SHISA9: variants seen among roughly 807,000 people sequenced by gnomAD.
SHISA9 encodes protein shisa-9.
Under a neutral mutation model 38.0 loss-of-function variants are expected in SHISA9, and 13 were observed. The ratio of observed to expected loss-of-function variants is 0.34; its 90% CI spans 0.22 to 0.54. The LOEUF (loss-of-function observed/expected upper bound fraction) is 0.54, where lower values mean the gene tolerates loss of function less well. Ranked by LOEUF, SHISA9 falls within the 20% of genes least tolerant of loss-of-function variation. SHISA9 has a pLI of 0.91. For synonymous variants in SHISA9, 275 were observed against 242.0 expected, an observed-to-expected ratio of 1.14 and a Z score of -1.27; for missense variants, 538 against 575.8, an observed-to-expected ratio of 0.93 and a Z score of 0.67.
At chr16:13,232,858 A>G (rs975974164) in intron 4 of SHISA9, among the ~76,000 whole-genome samples, 1 of 152,228 alleles carries the variant, frequency 6.6e-6, no homozygotes, top group Non-Finnish European at 1.5e-5. Context: ...CAGCCCTTAG[A>G]GACAATAGAA....
At chr16:13,088,105 C>G (rs922752645) in intron 2 of SHISA9, among the ~76,000 whole-genome samples, 1 of 152,168 alleles carries the variant, frequency 6.6e-6, no homozygotes, top group Non-Finnish European at 1.5e-5. Context: ...TTGTTTTTGT[C>G]AGGTTCATCA....
At chr16:13,500,087 T>G in the SHISA9 span, among the ~76,000 whole-genome samples, 6 of 152,156 alleles carry the variant, frequency 3.9e-5, no homozygotes, top group African/African-American at 1.4e-4. Context: ...TCCTCAGGTA[T>G]TGAAGGAGAG....
rs534053408 is a variant in SHISA9 at position 12,999,295 on chromosome 16, A to G, written c.691+82480A>G. ...TGGCACTAAATAGACCATGAAAAGGACACTTGTTTACAGTTTGAGAGCTGA... is the reference window on the plus strand; with the variant it reads ...TGGCACTAAATAGACCATGAAAAGGGCACTTGTTTACAGTTTGAGAGCTGA... On this transcript the variant is annotated intron_variant, in intron 2 of 4. Transcript: ENST00000558583. Among the ~76,000 whole-genome samples, 14 of 152,306 alleles carry G rather than the reference A, an allele frequency of 9.2e-5. No homozygotes were observed. In the South Asian group the frequency reaches 2.7e-3, roughly 29 times the overall value.
intron 2 of SHISA9, among the ~76,000 whole-genome samples, chr16:13,200,448 AG>A (rs1459160839): frequency 3.5e-4 from 53 of 150,204 alleles, no homozygotes; most frequent in African/African-American, 1.2e-3. Context: ...ACACAGCAGC[AG>A]CAGCAGCAGC....
intron 1 of SHISA9, chr16:12,910,564 C>T (rs1279461860): frequency 1.0e-6 from 1 of 985,204 alleles, no homozygotes; most frequent in Admixed American, 6.2e-5. Context: ...TTTCAGTACT[C>T]TCTTGTGAAA....
Position 12,975,654 on chromosome 16 carries a change from GGC to G in SHISA9, c.691+58841_691+58842del, listed in dbSNP as rs1222737620. On this transcript the variant is annotated intron_variant, in intron 2 of 4. Coordinates refer to ENST00000558583, the MANE Select transcript of SHISA9 (RefSeq NM_001145204.3). ...TGGTAAATGGGTGGGGTGGGACGGG[GGC>G]GGGGGGGGTAAGGGCATGTCACTAT... Among the ~76,000 whole-genome samples, 134 of 143,834 alleles carry G rather than the reference GGC, an allele frequency of 9.3e-4. 1 individual carries two copies. Among genetic ancestry groups the G allele is most frequent in the African/African-American group, 3.5e-3 (132 of 37,544 alleles). 94.4% of individuals were successfully genotyped at this position (143,834 alleles called of 152,430 possible). A position where few individuals can be genotyped will look rare whatever the true frequency, so the allele number is the denominator to read the frequency against.
chr16:13,181,310 T>C (rs1471388983), intron 2 of SHISA9, among the ~76,000 whole-genome samples: 1,263 of 32,934 alleles, frequency 0.038, 41 homozygotes, highest in African/African-American at 0.19. Context: ...TATATATATA[T>C]ATACACACAC....
the SHISA9 span, among the ~76,000 whole-genome samples, chr16:13,329,256 C>T: frequency 2.6e-5 from 4 of 152,150 alleles, no homozygotes; most frequent in African/African-American, 7.2e-5. Flanking sequence ...TTTCCGGCGC[C>T]CCTCTTTCTT....
the SHISA9 span, among the ~76,000 whole-genome samples, chr16:13,548,548 G>T: frequency 2.2e-3 from 339 of 152,202 alleles, 2 homozygotes; most frequent in African/African-American, 8.0e-3. Context: ...AGGGGCAAAA[G>T]ACCTGAACAG....
At chr16:13,003,268 A>G (rs11647144) in intron 2 of SHISA9, among the ~76,000 whole-genome samples, 36,815 of 152,096 alleles carry the variant, frequency 0.24, 4,741 homozygotes, top group Middle Eastern at 0.35. Flanking sequence ...AACCATGGAC[A>G]TGTTTCAAGG....
intron 2 of SHISA9, among the ~76,000 whole-genome samples, chr16:13,182,751 C>A (rs936783959): frequency 6.6e-6 from 1 of 151,696 alleles, no homozygotes; most frequent in Non-Finnish European, 1.5e-5. Context: ...GCAAAAAATG[C>A]ATTTGAGAGA....
chr16:13,108,481 A>T (rs533552042), intron 2 of SHISA9, among the ~76,000 whole-genome samples: 21 of 151,960 alleles, frequency 1.4e-4, no homozygotes, highest in Middle Eastern at 3.4e-3. Flanking sequence ...TCTCAGGCTG[A>T]TCTTAAACTC....
chr16:13,550,040 A>G, the SHISA9 span, among the ~76,000 whole-genome samples: 29 of 151,760 alleles, frequency 1.9e-4, no homozygotes, highest in Non-Finnish European at 3.7e-4. Flanking sequence ...AAAAAAATAA[A>G]GTATATATAT....
chr16:13,416,180 A>G, the SHISA9 span, among the ~76,000 whole-genome samples: 1 of 152,242 alleles, frequency 6.6e-6, no homozygotes, highest in African/African-American at 2.4e-5. Context: ...GTTAAGAAAC[A>G]AGCTAGCTGA....
intron 2 of SHISA9, among the ~76,000 whole-genome samples, chr16:13,062,878 G>A (rs2073391768): frequency 6.6e-6 from 1 of 152,166 alleles, no homozygotes; most frequent in Non-Finnish European, 1.5e-5. Flanking sequence ...TGGCTCACCA[G>A]CCTCACCCTG....
chr16:13,473,215 C>T, the SHISA9 span, among the ~76,000 whole-genome samples: 5 of 152,144 alleles, frequency 3.3e-5, no homozygotes, highest in Non-Finnish European at 4.4e-5. Context: ...AGTGCTCAGT[C>T]TTGGGCTGAT....
intron 2 of SHISA9, among the ~76,000 whole-genome samples, chr16:13,131,921 T>C (rs936741987): frequency 1.3e-5 from 2 of 152,226 alleles, no homozygotes; most frequent in Admixed American, 1.3e-4. Context: ...CCCGGACTCA[T>C]GGGTTTGCCA....
intron 2 of SHISA9, among the ~76,000 whole-genome samples, chr16:13,144,394 A>T (rs898594898): frequency 1.3e-5 from 2 of 151,836 alleles, no homozygotes; most frequent in African/African-American, 4.8e-5. Flanking sequence ...TTCATGATCT[A>T]CCTGCCTCGG....
intron 2 of SHISA9, among the ~76,000 whole-genome samples, chr16:13,069,092 A>G (rs527827876): frequency 1.3e-4 from 19 of 150,188 alleles, no homozygotes; most frequent in African/African-American, 4.4e-4. Context: ...TGCAATGTGT[A>G]TGTGTGTGTA....
Sources: allele counts gnomAD v4.1 joint callset (sites outside exome capture counted in the v4.1 genomes callset), GRCh38; gene constraint gnomAD v4.1.1; transcripts MANE v1.5; gene names NCBI Gene and HGNC (gene_info 2026-07-23, HGNC 2026-07-21).